The following DYM variants were observed in gnomAD, a reference collection of about 807,000 sequenced individuals.
DYM encodes dymeclin, also known as dyggve-Melchior-Clausen syndrome protein.
A neutral mutation model predicts 93.1 loss-of-function variants in DYM; 78 were observed. That is an observed-to-expected ratio of 0.84 (90% CI 0.70 to 1.01). The LOEUF is 1.01. Among genes scored for constraint, DYM ranks in the 50% least tolerant of loss-of-function variants. The pLI, the probability that DYM is intolerant of heterozygous loss-of-function variation, is 0.00. For missense variants in DYM, 789 were observed against 845.0 expected (o/e 0.93, Z 0.82); for synonymous variants, 321 against 319.7 (o/e 1.00, Z -0.04).
At chr18:49,189,906 T>G (rs921438936) in intron 14 of DYM, among the ~76,000 whole-genome samples, 5 of 152,234 alleles carry the variant, frequency 3.3e-5, no homozygotes, top group African/African-American at 1.2e-4. Context: ...ATTTGCTGCT[T>G]AGTGCCAGGC....
At chr18:49,214,559 GT>G (rs1417434140) in intron 13 of DYM, among the ~76,000 whole-genome samples, 1 of 143,082 alleles carries the variant, frequency 7.0e-6, no homozygotes, top group East Asian at 2.0e-4. Flanking sequence ...GAATCAATGA[GT>G]AAAAAAAAAA....
chr18:49,148,879 C>T (rs898880162), intron 15 of DYM, among the ~76,000 whole-genome samples: 4 of 152,104 alleles, frequency 2.6e-5, no homozygotes, highest in African/African-American at 4.8e-5. Context: ...GATTTTTCCA[C>T]GGATGCAGGG....
At chr18:49,411,515 T>C (rs1384741353) in intron 2 of DYM, among the ~76,000 whole-genome samples, 1 of 152,180 alleles carries the variant, frequency 6.6e-6, no homozygotes, top group African/African-American at 2.4e-5. Context: ...TTTAGACTGG[T>C]TTTATTTTAC....
intron 2 of DYM, among the ~76,000 whole-genome samples, chr18:49,401,697 C>T (rs78509572): frequency 3.3e-5 from 5 of 151,884 alleles, no homozygotes; most frequent in East Asian, 3.9e-4. Context: ...TTGGGCTACC[C>T]GGAAGATAAT....
intron 1 of DYM, among the ~76,000 whole-genome samples, chr18:49,450,864 T>TTG (rs2082467847): frequency 6.6e-6 from 1 of 152,248 alleles, no homozygotes; most frequent in African/African-American, 2.4e-5. Context: ...TTGTTTTGCT[T>TTG]TGTTCCTTCT....
intron 14 of DYM, among the ~76,000 whole-genome samples, chr18:49,190,978 G>C (rs201155772): frequency 2.0e-5 from 3 of 151,872 alleles, no homozygotes; most frequent in East Asian, 3.9e-4. Flanking sequence ...TTTAGGTAAG[G>C]CTTCTGGTCA....
chr18:49,097,606 G>T, intron 16 of DYM, 91 bp from the exon 17 acceptor site: 1 of 1,109,152 alleles, frequency 9.0e-7, no homozygotes, highest in Non-Finnish European at 1.3e-6. Context: ...AAACTATCAT[G>T]ATTCCATTCC....
At chr18:49,047,579 C>T (rs1054636481) in intron 17 of DYM, among the ~76,000 whole-genome samples, 5 of 152,336 alleles carry the variant, frequency 3.3e-5, no homozygotes, top group South Asian at 2.1e-4. Context: ...ACTCCCTCCT[C>T]GTCCACTCCT....
intron 13 of DYM, among the ~76,000 whole-genome samples, chr18:49,224,718 G>T (rs2093470656): frequency 6.6e-6 from 1 of 152,034 alleles, no homozygotes; most frequent in Admixed American, 6.6e-5. Context: ...TCGGCGCCTT[G>T]ATCTAGGACT....
chr18:49,455,307 C>A (rs1404445939), intron 1 of DYM, among the ~76,000 whole-genome samples: 1 of 152,216 alleles, frequency 6.6e-6, no homozygotes, highest in African/African-American at 2.4e-5. Context: ...CCCAAGGGCA[C>A]CTCAAACTCC....
chr18:49,186,920 C>CTTT (rs57080617), intron 14 of DYM, among the ~76,000 whole-genome samples: 203 of 117,766 alleles, frequency 1.7e-3, no homozygotes, highest in Non-Finnish European at 2.2e-3. Flanking sequence ...ACACAATCTT[C>CTTT]TTTTTTTTTT....
intron 8 of DYM, among the ~76,000 whole-genome samples, chr18:49,292,343 G>GACAC (rs1445437474): frequency 4.2e-5 from 4 of 95,152 alleles, no homozygotes; most frequent in South Asian, 3.7e-4. Flanking sequence ...CAGGCAGACA[G>GACAC]ACAGACAGAC....
intron 3 of DYM, among the ~76,000 whole-genome samples, chr18:49,385,701 A>T (rs1298137440): frequency 2.0e-5 from 3 of 152,058 alleles, no homozygotes; most frequent in Non-Finnish European, 4.4e-5. Flanking sequence ...GTCTCAAAAA[A>T]AAAAAGAAAT....
intron 13 of DYM, among the ~76,000 whole-genome samples, chr18:49,221,612 C>T (rs1311346099): frequency 1.4e-4 from 21 of 152,040 alleles, no homozygotes; most frequent in Non-Finnish European, 2.1e-4. Context: ...TGTAGGGACA[C>T]GGATGAAACT....
At chr18:49,372,727 A>G (rs2067161797) in intron 5 of DYM, among the ~76,000 whole-genome samples, 2 of 151,756 alleles carry the variant, frequency 1.3e-5, no homozygotes, top group South Asian at 4.2e-4. Flanking sequence ...CCCAGGTGAC[A>G]GGGCAAGACT....
At chr18:49,077,332 C>A (rs1469415627) in intron 17 of DYM, among the ~76,000 whole-genome samples, 2 of 152,190 alleles carry the variant, frequency 1.3e-5, no homozygotes, top group Non-Finnish European at 2.9e-5. Flanking sequence ...CCTTTTCTAG[C>A]TTTTATTGAT....
At chr18:49,206,613 A>G (rs968508832) in intron 14 of DYM, 2 of 152,250 alleles carry the variant, frequency 1.3e-5, no homozygotes, top group African/African-American at 4.8e-5. Context: ...TCCTGAATAG[A>G]ACAGTGTCCT....
intron 5 of DYM, chr18:49,375,818 C>G (rs1454735665): frequency 1.2e-4 from 19 of 152,302 alleles, no homozygotes; most frequent in Non-Finnish European, 1.5e-5. Context: ...ATCTAATCAG[C>G]TGCCAGGACA....
At chr18:49,304,810 C>T (rs1418544582) in intron 8 of DYM, among the ~76,000 whole-genome samples, 1 of 152,162 alleles carries the variant, frequency 6.6e-6, no homozygotes, top group African/African-American at 2.4e-5. Flanking sequence ...ACACTACTCC[C>T]GTGCTCATTT....
Sources: gnomAD v4.1 joint callset for allele counts (sites outside exome capture counted in the v4.1 genomes callset) on GRCh38, gnomAD v4.1.1 for gene constraint, MANE v1.5 for transcripts, NCBI Gene and HGNC (gene_info 2026-07-23, HGNC 2026-07-21) for gene names.